DYNC1I1: variants seen among roughly 807,000 people sequenced by gnomAD.
DYNC1I1 encodes cytoplasmic dynein 1 intermediate chain 1.
A neutral mutation model predicts 86.6 loss-of-function variants in DYNC1I1; 43 were observed. The ratio of observed to expected loss-of-function variants is 0.50; its 90% confidence interval spans 0.39 to 0.64. The LOEUF is 0.64. DYNC1I1 is among the 30% of genes least tolerant of loss of function. DYNC1I1 has a pLI of 0.00. For missense variants in DYNC1I1, 604 were observed against 788.8 expected, an observed-to-expected ratio of 0.77 and a Z score of 2.81; for synonymous variants, 262 against 283.7, an observed-to-expected ratio of 0.92 and a Z score of 0.77.
chr7:95,967,719 T>G (rs953556324), intron 6 of DYNC1I1, among the ~76,000 whole-genome samples: 5 of 152,218 alleles, frequency 3.3e-5, no homozygotes, highest in Non-Finnish European at 7.3e-5. Context: ...TTACCTGTTT[T>G]GTTCACTGCT....
intron 10 of DYNC1I1, among the ~76,000 whole-genome samples, chr7:96,018,776 A>T (rs1344960552): frequency 2.6e-5 from 4 of 152,210 alleles, no homozygotes; most frequent in Non-Finnish European, 4.4e-5. Context: ...GCAGAGGGAA[A>T]TATCATAAGT....
chr7:96,054,110 A>G (rs1425586791), intron 14 of DYNC1I1, among the ~76,000 whole-genome samples: 2 of 152,082 alleles, frequency 1.3e-5, no homozygotes, highest in Non-Finnish European at 2.9e-5. Flanking sequence ...TACATTAGAT[A>G]TTTCTCCTAA....
At chr7:95,962,293 A>G (rs565767372) in intron 6 of DYNC1I1, among the ~76,000 whole-genome samples, 1 of 152,290 alleles carries the variant, frequency 6.6e-6, no homozygotes, top group East Asian at 1.9e-4. Flanking sequence ...CAACAGGTCT[A>G]GGAGACTGTC....
In DYNC1I1 at chr7:96,097,571, G is replaced by T. The variant is rs1193095487; in HGVS notation, c.1865G>T (p.Gly622Val). 1.2e-6 allele frequency: 2 copies of T among 1,613,730 alleles called. No individual in the cohort carries two copies. Among genetic ancestry groups the T allele is most frequent in the South Asian group, 1.1e-5 (1 of 91,060 alleles). ...AACAGAGCTGATAGCGAGGAGGAAG[G>T]CACTGTTGAGTTATCTGCCTAGTGG... ...RANRADSEEE[G>V]TVELSA is the part of the protein sequence containing the mutation. Residue 622 changes from glycine to valine, a missense_variant, in exon 17 of 17, where the codon GGC becomes GTC. Transcript: ENST00000447467.
chr7:95,967,406 C>A (rs1256465796), intron 6 of DYNC1I1, among the ~76,000 whole-genome samples: 1 of 152,048 alleles, frequency 6.6e-6, no homozygotes, highest in East Asian at 1.9e-4. Context: ...TAGGGAAGAT[C>A]AGAAAGTATT....
At position 96,080,416 on chromosome 7, in the gene DYNC1I1, T is replaced by C. The variant is rs745738831; in HGVS notation, c.1704T>C (p.Arg568=). 1.2e-6 allele frequency: 2 copies of C among 1,614,138 alleles called. No homozygotes were observed. The highest frequency in any genetic ancestry group is 1.1e-5 in the South Asian group (1 of 91,070). Residue 568 remains arginine (R), a synonymous_variant, in exon 16 of 17, where the codon CGT becomes CGC. Coordinates refer to ENST00000447467, the MANE Select transcript of DYNC1I1 (RefSeq NM_001135556.2). The part of the protein sequence containing the change: ...IEGASALNRV[R]WAQAGKEVAV... ...GGGCATCCGCCCTAAACCGTGTTCGTTGGGCCCAAGCTGGCAAAGAAGTTG... is the reference window on the plus strand; with the variant it reads ...GGGCATCCGCCCTAAACCGTGTTCGCTGGGCCCAAGCTGGCAAAGAAGTTG...
At chr7:96,051,894 C>T (rs1454941220) in intron 14 of DYNC1I1, among the ~76,000 whole-genome samples, 1 of 152,086 alleles carries the variant, frequency 6.6e-6, no homozygotes, top group African/African-American at 2.4e-5. Flanking sequence ...TAAATATCTT[C>T]ATTTAAATGA....
At chr7:95,926,582 G>A (rs1791752124) in intron 6 of DYNC1I1, among the ~76,000 whole-genome samples, 1 of 152,058 alleles carries the variant, frequency 6.6e-6, no homozygotes, top group African/African-American at 2.4e-5. Context: ...CCTTTGAGAA[G>A]GTACAGTAAC....
intron 6 of DYNC1I1, among the ~76,000 whole-genome samples, chr7:95,872,046 C>T (rs770144307): frequency 3.0e-4 from 46 of 152,222 alleles, no homozygotes; most frequent in Non-Finnish European, 4.4e-4. Context: ...CCTTGGCTGC[C>T]GGCAGTCACC....
chr7:96,005,472 C>T (rs547885475), intron 10 of DYNC1I1, among the ~76,000 whole-genome samples: 6 of 152,078 alleles, frequency 3.9e-5, no homozygotes, highest in Non-Finnish European at 8.8e-5. Flanking sequence ...TTGCATATTG[C>T]GTTATCTGAC....
At position 95,931,537 on chromosome 7, in the gene DYNC1I1, C is replaced by T. The variant is rs116881771; in HGVS notation, c.491-45975C>T. 4.5e-3 allele frequency among the ~76,000 whole-genome samples: 680 copies of T among 152,252 alleles called. 9 individuals carry two copies. Among genetic ancestry groups the T allele is most frequent in the South Asian group, 0.043 (206 of 4,820 alleles). On this transcript the variant is annotated intron_variant, in intron 6 of 16. Coordinates refer to ENST00000447467, the MANE Select transcript of DYNC1I1 (RefSeq NM_001135556.2). ...TTATTTTCATCAGTTCTAGTTTGTT[C>T]CACATAGATATTCCTTTCATCAGAC...
chr7:96,007,641 T>C (rs1296503774), intron 10 of DYNC1I1, among the ~76,000 whole-genome samples: 1 of 152,008 alleles, frequency 6.6e-6, no homozygotes, highest in African/African-American at 2.4e-5. Context: ...CATTGTTACC[T>C]ACATAACACA....
intron 13 of DYNC1I1, 119 bp downstream of exon 13, chr7:96,035,871 G>A (rs1421229141): frequency 1.7e-5 from 25 of 1,471,784 alleles, no homozygotes; most frequent in Admixed American, 4.1e-5. Flanking sequence ...TGGAAAGCAC[G>A]ACTTCAACTC....
chr7:96,034,676 G>A (rs1013461563), intron 12 of DYNC1I1, among the ~76,000 whole-genome samples: 9 of 152,162 alleles, frequency 5.9e-5, no homozygotes, highest in Non-Finnish European at 1.3e-4. Flanking sequence ...TTGCTGATGT[G>A]CACCCTATGT....
chr7:95,970,236 A>G lies in DYNC1I1; in HGVS notation c.491-7276A>G, dbSNP rs114573272. Among the ~76,000 whole-genome samples, 1,068 of 152,272 alleles carry G rather than the reference A, an allele frequency of 7.0e-3. 15 individuals carry two copies. The highest frequency in any genetic ancestry group is 0.024 in the African/African-American group (1,002 of 41,550). On this transcript the variant is annotated intron_variant, in intron 6 of 16. Coordinates refer to ENST00000447467, the MANE Select transcript of DYNC1I1 (RefSeq NM_001135556.2). ...ATCACACCCGCTGGCAACTGCGCCG[A>G]CCAAAGTCAGGTTCTCAACTGCTGC...
intron 9 of DYNC1I1, among the ~76,000 whole-genome samples, chr7:95,988,157 G>A (rs562282429): frequency 3.3e-5 from 5 of 152,214 alleles, no homozygotes; most frequent in African/African-American, 9.6e-5. Flanking sequence ...CGGGTGGATC[G>A]CTTGAGGTCT....
At chr7:95,779,981 G>A (rs764750889) in intron 1 of DYNC1I1, among the ~76,000 whole-genome samples, 4 of 152,052 alleles carry the variant, frequency 2.6e-5, no homozygotes, top group Non-Finnish European at 4.4e-5. Context: ...AAGAAATGAC[G>A]GGCAGCATGG....
intron 10 of DYNC1I1, among the ~76,000 whole-genome samples, chr7:96,025,352 A>G (rs1794651924): frequency 6.6e-6 from 1 of 152,196 alleles, no homozygotes; most frequent in African/African-American, 2.4e-5. Context: ...AATACATATA[A>G]CATGTAATTA....
chr7:96,094,772 A>C (rs1790953824), intron 16 of DYNC1I1, among the ~76,000 whole-genome samples: 1 of 152,198 alleles, frequency 6.6e-6, no homozygotes, highest in Non-Finnish European at 1.5e-5. Context: ...AACAAGATGA[A>C]AAGGATAGTA....
Sources: gnomAD v4.1 joint callset for allele counts (sites outside exome capture counted in the v4.1 genomes callset) on GRCh38, gnomAD v4.1.1 for gene constraint, MANE v1.5 for transcripts, NCBI Gene and HGNC (gene_info 2026-07-23, HGNC 2026-07-21) for gene names.